The following PDE3A variants were observed in gnomAD, a reference collection of about 807,000 sequenced individuals.
PDE3A encodes the protein cGMP-inhibited 3',5'-cyclic phosphodiesterase 3A.
In PDE3A, 43 loss-of-function variants were observed where a neutral mutation model predicts 98.3. That is an observed-to-expected ratio of 0.44 (90% CI 0.34 to 0.56). PDE3A has a LOEUF of 0.56. PDE3A is among the 20% of genes least tolerant of loss of function. PDE3A has a pLI of 0.01. For synonymous variants in PDE3A, 663 were observed against 567.9 expected (o/e 1.17, Z -2.38); for missense variants, 1,427 against 1,440.7 (o/e 0.99, Z 0.15).
intron 2 of PDE3A, among the ~76,000 whole-genome samples, chr12:20,600,124 G>C (rs893057946): frequency 6.6e-6 from 1 of 152,122 alleles, no homozygotes; most frequent in Non-Finnish European, 1.5e-5. Context: ...TCTAGCCTCA[G>C]TATACTCCTT....
intron 2 of PDE3A, among the ~76,000 whole-genome samples, chr12:20,605,855 G>A (rs543805851): frequency 6.6e-6 from 1 of 152,266 alleles, no homozygotes; most frequent in African/African-American, 2.4e-5. Context: ...TTTTCCTCCA[G>A]TTAGAATAAA....
intron 1 of PDE3A, among the ~76,000 whole-genome samples, chr12:20,522,986 T>G (rs1946456374): frequency 6.6e-6 from 1 of 151,464 alleles, no homozygotes; most frequent in African/African-American, 2.4e-5. Flanking sequence ...TTTAAAAAAC[T>G]AGTTAGCCTG....
chr12:20,601,402 A>T (rs12311612), intron 2 of PDE3A, among the ~76,000 whole-genome samples: 7,003 of 152,202 alleles, frequency 0.046, 541 homozygotes, highest in African/African-American at 0.16. Flanking sequence ...GCAAGTCAGT[A>T]GCCTAGATAA....
chr12:20,418,652 T>C (rs1347335539), intron 1 of PDE3A, among the ~76,000 whole-genome samples: 1 of 152,202 alleles, frequency 6.6e-6, no homozygotes, highest in Non-Finnish European at 1.5e-5. Context: ...TTTCTTTTTG[T>C]ATCATGCCCG....
intron 1 of PDE3A, among the ~76,000 whole-genome samples, chr12:20,468,078 T>G (rs1049099539): frequency 6.6e-6 from 1 of 151,162 alleles, no homozygotes; most frequent in Non-Finnish European, 1.5e-5. Flanking sequence ...CCCATATGTT[T>G]AAACAAATTA....
At chr12:20,436,747 G>C (rs1174275215) in intron 1 of PDE3A, among the ~76,000 whole-genome samples, 1 of 152,166 alleles carries the variant, frequency 6.6e-6, no homozygotes, top group Non-Finnish European at 1.5e-5. Flanking sequence ...TCGTAGAGGG[G>C]AATTGAGAGC....
intron 1 of PDE3A, among the ~76,000 whole-genome samples, chr12:20,488,107 CT>C (rs1382008152): frequency 6.6e-6 from 1 of 152,038 alleles, no homozygotes; most frequent in African/African-American, 2.4e-5. Flanking sequence ...CAAAAATACC[CT>C]TTCCTTGAGC....
chr12:20,641,447 T>C (rs1944645614), intron 10 of PDE3A, among the ~76,000 whole-genome samples: 1 of 152,112 alleles, frequency 6.6e-6, no homozygotes, highest in East Asian at 1.9e-4. Flanking sequence ...TCACGATTTC[T>C]CGAAGGTCAA....
At chr12:20,524,104 C>G (rs958029561) in intron 1 of PDE3A, among the ~76,000 whole-genome samples, 3 of 152,096 alleles carry the variant, frequency 2.0e-5, no homozygotes, top group Non-Finnish European at 4.4e-5. Context: ...CATCACGGCC[C>G]CAGGGGAACA....
chr12:20,535,467 G>T (rs1271023040), intron 1 of PDE3A, among the ~76,000 whole-genome samples: 3 of 152,168 alleles, frequency 2.0e-5, no homozygotes, highest in African/African-American at 4.8e-5. Context: ...ACCTTCAGAG[G>T]ATTCCACGGA....
Position 20,616,054 on chromosome 12 carries a change from C to T in PDE3A, c.1270-176C>T, listed in dbSNP as rs4393371. ...TTTTTATAATATGCATTCATTTTGG[C>T]CAGAGAGTCTTTTATTAAATTTCTG... is the stretch of plus-strand genomic sequence containing the variant. On this transcript the variant is annotated intron_variant, in intron 3 of 15. Coordinates refer to ENST00000359062, the MANE Select transcript of PDE3A (RefSeq NM_000921.5). 0.85 allele frequency among the ~76,000 whole-genome samples: 129,135 copies of T among 152,064 alleles called. 55,311 individuals are homozygous for T. Among genetic ancestry groups the T allele is most frequent in the South Asian group, 0.94 (4,537 of 4,826 alleles).
chr12:20,646,434 A>T, intron 10 of PDE3A, 56 bp from the exon 11 acceptor site: 2 of 948,012 alleles, frequency 2.1e-6, no homozygotes, highest in Non-Finnish European at 3.5e-6. Context: ...TGGCACTCTT[A>T]GTTCTTGGAC....
chr12:20,584,111 C>A (rs913372530), intron 2 of PDE3A, among the ~76,000 whole-genome samples: 1 of 152,160 alleles, frequency 6.6e-6, no homozygotes, highest in African/African-American at 2.4e-5. Context: ...TGCTCTTGAG[C>A]AGGGTGGGAC....
intron 15 of PDE3A, 93 bp from the exon 16 acceptor site, chr12:20,679,937 A>T: frequency 4.0e-6 from 2 of 494,830 alleles, no homozygotes; most frequent in South Asian, 2.9e-5. Context: ...TTATGGATTA[A>T]CTCCTCTTAA....
At chr12:20,543,028 A>G (rs1941960218) in intron 1 of PDE3A, among the ~76,000 whole-genome samples, 1 of 152,052 alleles carries the variant, frequency 6.6e-6, no homozygotes, top group Non-Finnish European at 1.5e-5. Context: ...TGCAAGAGGT[A>G]GTTTGACAAA....
At chr12:20,623,586 A>C (rs1944184564) in intron 5 of PDE3A, among the ~76,000 whole-genome samples, 1 of 152,106 alleles carries the variant, frequency 6.6e-6, no homozygotes. Flanking sequence ...AATTTGAAAG[A>C]AGTCAAAACT....
At chr12:20,498,312 T>A (rs1268832758) in intron 1 of PDE3A, among the ~76,000 whole-genome samples, 1 of 152,112 alleles carries the variant, frequency 6.6e-6, no homozygotes, top group Non-Finnish European at 1.5e-5. Flanking sequence ...CTCTGTATAG[T>A]CAGCCTTCTG....
At chr12:20,594,170 G>C (rs1402955387) in intron 2 of PDE3A, among the ~76,000 whole-genome samples, 5 of 142,660 alleles carry the variant, frequency 3.5e-5, no homozygotes, top group African/African-American at 1.0e-4. Flanking sequence ...CTTAGAGATG[G>C]GGTCAAAGAC....
At chr12:20,629,390 C>T (rs1320407904) in intron 5 of PDE3A, among the ~76,000 whole-genome samples, 10 of 152,236 alleles carry the variant, frequency 6.6e-5, no homozygotes, top group East Asian at 5.8e-4. Context: ...ACTGAAACTG[C>T]GAATGGTTAA....
Sources: allele counts gnomAD v4.1 joint callset (sites outside exome capture counted in the v4.1 genomes callset), GRCh38; gene constraint gnomAD v4.1.1; transcripts MANE v1.5; gene names NCBI Gene and HGNC (gene_info 2026-07-23, HGNC 2026-07-21).